The following SCGN variants were observed in gnomAD, a reference collection of about 807,000 sequenced individuals.
SCGN encodes secretagogin.
SCGN carries 30 observed loss-of-function variants against 39.7 expected under a neutral mutation model. The observed-to-expected ratio is 0.76, with a 90% CI of 0.57 to 1.03. The LOEUF (loss-of-function observed/expected upper bound fraction) is 1.03, where lower values mean the gene tolerates loss of function less well. SCGN is among the 50% of genes least tolerant of loss of function. The pLI is 0.00. For synonymous variants in SCGN, 106 were observed against 114.1 expected, an observed-to-expected ratio of 0.93 and a Z score of 0.45; for missense variants, 353 against 349.4, an observed-to-expected ratio of 1.01 and a Z score of -0.08.
At chr6:25,697,991 C>T (rs1007259646) in intron 10 of SCGN, among the ~76,000 whole-genome samples, 1 of 152,074 alleles carries the variant, frequency 6.6e-6, no homozygotes, top group African/African-American at 2.4e-5. Flanking sequence ...ATACAACCTC[C>T]TAGGGTTGTT....
chr6:25,655,828 A>G (rs975437033), intron 2 of SCGN, among the ~76,000 whole-genome samples: 3 of 151,954 alleles, frequency 2.0e-5, no homozygotes, highest in African/African-American at 4.8e-5. Flanking sequence ...GGGGATTCTG[A>G]TATAATTAGG....
chr6:25,692,414 T>C (rs1327101375), intron 10 of SCGN, among the ~76,000 whole-genome samples: 1 of 152,152 alleles, frequency 6.6e-6, no homozygotes, highest in Non-Finnish European at 1.5e-5. Flanking sequence ...ACTGCCTGAG[T>C]GTAGAGCCTG....
intron 2 of SCGN, among the ~76,000 whole-genome samples, chr6:25,653,786 T>G (rs1760176811): frequency 6.6e-6 from 1 of 152,234 alleles, no homozygotes; most frequent in African/African-American, 2.4e-5. Context: ...TAGCCCACTT[T>G]GTTCAAAAAG....
intron 2 of SCGN, among the ~76,000 whole-genome samples, chr6:25,653,964 G>A (rs1760180125): frequency 6.6e-6 from 1 of 152,160 alleles, no homozygotes; most frequent in Admixed American, 6.5e-5. Flanking sequence ...AGCATACTCA[G>A]AGCCCAGATA....
At chr6:25,691,272 A>G (rs953273049) in intron 10 of SCGN, 148 bp downstream of exon 10, 20 of 561,208 alleles carry the variant, frequency 3.6e-5, no homozygotes, top group Middle Eastern at 6.4e-4. Context: ...ATTGCTATGA[A>G]ACCCAACAAA....
intron 7 of SCGN, among the ~76,000 whole-genome samples, chr6:25,686,252 C>A (rs775928928): frequency 6.6e-6 from 1 of 152,078 alleles, no homozygotes; most frequent in South Asian, 2.1e-4. Context: ...ATTTTTGGTT[C>A]GTGTCGTAAT....
Position 25,682,055 on chromosome 6 carries a change from G to T in SCGN, c.527+49G>T, listed in dbSNP as rs183217162. On this transcript the variant is annotated intron_variant, in intron 7 of 10. Transcript: ENST00000377961. The stretch of plus-strand genomic sequence containing the variant: ...ATACATTCAGAAATACCTTACTAGG[G>T]GTCTGATGACATCATATATTTCCTT... 7.6e-4 allele frequency: 1,056 copies of T among 1,382,064 alleles called. 4 individuals are homozygous for T. In the African/African-American group the frequency reaches 0.014, roughly 18 times the overall value. 85.6% of individuals were successfully genotyped at this position (1,382,064 alleles called of 1,614,324 possible).
chr6:25,699,589 CAAAA>C (rs35915067), intron 10 of SCGN, among the ~76,000 whole-genome samples: 20 of 53,834 alleles, frequency 3.7e-4, no homozygotes, highest in East Asian at 6.3e-4. Flanking sequence ...AACTCTGTCT[CAAAA>C]AAAAAAAAAA....
chr6:25,675,458 T>G (rs1473119671), intron 6 of SCGN, among the ~76,000 whole-genome samples: 2 of 152,224 alleles, frequency 1.3e-5, no homozygotes, highest in Non-Finnish European at 2.9e-5. Context: ...TTCACGCCAC[T>G]GTAAGCTTGC....
At chr6:25,661,741 T>C in intron 3 of SCGN, 97 bp downstream of exon 3, 3 of 815,910 alleles carry the variant, frequency 3.7e-6, no homozygotes, top group Non-Finnish European at 5.9e-6. Context: ...TGAAAGACAA[T>C]GGAAACTTTA....
At position 25,661,482 on chromosome 6, in the gene SCGN, A is replaced by G. The variant is rs138224625; in HGVS notation, c.154-70A>G. The stretch of plus-strand genomic sequence containing the variant: ...ATAATTTTCACGCTGTATATTTTGA[A>G]TATTTGCCATCCTAACTATATCTTT... On this transcript the variant is annotated intron_variant, in intron 2 of 10. Coordinates refer to ENST00000377961, the MANE Select transcript of SCGN (RefSeq NM_006998.4). 1,041 of 1,035,548 alleles carry G rather than the reference A, an allele frequency of 1.0e-3. 10 individuals carry two copies. The South Asian group carries it at 0.013, about 13-fold the overall frequency. The allele number at this position is 1,035,548 out of a possible 1,614,324, so 64.1% of individuals were successfully genotyped here.
intron 7 of SCGN, among the ~76,000 whole-genome samples, chr6:25,688,457 T>C (rs1759732422): frequency 6.6e-6 from 1 of 152,164 alleles, no homozygotes; most frequent in Non-Finnish European, 1.5e-5. Context: ...GCTCTGTGTA[T>C]GTGTTAGGGC....
intron 10 of SCGN, among the ~76,000 whole-genome samples, chr6:25,696,973 T>C (rs923052465): frequency 3.9e-5 from 6 of 152,178 alleles, no homozygotes; most frequent in African/African-American, 1.2e-4. Context: ...TTTTGTTAGA[T>C]ATAAAAGAAT....
intron 2 of SCGN, among the ~76,000 whole-genome samples, chr6:25,657,206 C>T (rs905600877): frequency 2.6e-5 from 4 of 152,250 alleles, no homozygotes; most frequent in African/African-American, 9.6e-5. Context: ...ACCTGTTCAC[C>T]TTCCACAGAG....
intron 1 of SCGN, 70 bp from the exon 2 acceptor site, chr6:25,653,312 A>G (rs1326232464): frequency 9.2e-7 from 1 of 1,092,706 alleles, no homozygotes; most frequent in African/African-American, 1.6e-5. Flanking sequence ...GATTAAAAAC[A>G]TATTTAGATA....
intron 2 of SCGN, among the ~76,000 whole-genome samples, chr6:25,660,879 A>C (rs572678024): frequency 6.6e-6 from 1 of 152,314 alleles, no homozygotes; most frequent in African/African-American, 2.4e-5. Flanking sequence ...ACAATTGGGC[A>C]CTGTTTGGGA....
intron 10 of SCGN, among the ~76,000 whole-genome samples, chr6:25,698,338 C>T (rs1347659504): frequency 1.3e-5 from 2 of 152,142 alleles, no homozygotes. Flanking sequence ...AAACAAAGTC[C>T]ATTATTCTTC....
At chr6:25,684,358 C>T (rs1759676661) in intron 7 of SCGN, among the ~76,000 whole-genome samples, 1 of 152,136 alleles carries the variant, frequency 6.6e-6, no homozygotes, top group South Asian at 2.1e-4. Context: ...AGAACCTCCG[C>T]GGATACCAGA....
In SCGN at chr6:25,681,983, G is replaced by A. The variant is rs1423884983; in HGVS notation, c.504G>A (p.Arg168=). The change falls in exon 7 of 11, where the codon CGG becomes CGA. Residue 168 remains arginine, a synonymous_variant. Coordinates refer to ENST00000377961, the MANE Select transcript of SCGN (RefSeq NM_006998.4). ...TTTTTGACAGAAATAAAGATGGTCGGTTGGATCTAAATGACTTAGCAAGGT... is the reference window on the plus strand; with the variant it reads ...TTTTTGACAGAAATAAAGATGGTCGATTGGATCTAAATGACTTAGCAAGGT... ...MKIFDRNKDG[R]LDLNDLARIL... 30 of 1,613,468 alleles carry A rather than the reference G, an allele frequency of 1.9e-5. No homozygotes were observed. In the Admixed American group the frequency reaches 3.8e-4, roughly 21 times the overall value.
Sources: allele counts gnomAD v4.1 joint callset (sites outside exome capture counted in the v4.1 genomes callset), GRCh38; gene constraint gnomAD v4.1.1; transcripts MANE v1.5; gene names NCBI Gene and HGNC (gene_info 2026-07-23, HGNC 2026-07-21).